MOB3B: variants seen among roughly 807,000 people sequenced by gnomAD.
MOB3B encodes the protein MOB kinase activator 3B.
A neutral mutation model predicts 18.7 loss-of-function variants in MOB3B; 7 were observed. The observed-to-expected ratio is 0.37, with a 90% CI of 0.21 to 0.70. MOB3B has a LOEUF of 0.70. MOB3B is among the 30% of genes least tolerant of loss of function. The pLI is 0.52. For synonymous variants in MOB3B, 111 were observed against 99.9 expected (o/e 1.11, Z -0.66); for missense variants, 253 against 281.3 (o/e 0.90, Z 0.72).
At chr9:27,378,619 G>A (rs1300548825) in intron 2 of MOB3B, 2 of 470,986 alleles carry the variant, frequency 4.2e-6, no homozygotes, top group Non-Finnish European at 8.8e-6. Context: ...TCACTCTATG[G>A]CTTTCTGGTC....
intron 2 of MOB3B, among the ~76,000 whole-genome samples, chr9:27,437,477 C>T (rs1822527771): frequency 1.3e-5 from 2 of 152,076 alleles, no homozygotes; most frequent in Admixed American, 6.6e-5. Flanking sequence ...AATCAAGGGG[C>T]CATAGCTCTG....
intron 2 of MOB3B, among the ~76,000 whole-genome samples, chr9:27,446,039 C>T (rs1822685747): frequency 6.6e-6 from 1 of 152,188 alleles, no homozygotes; most frequent in Non-Finnish European, 1.5e-5. Flanking sequence ...ACAACTCTGG[C>T]TCCAGTCTCT....
chr9:27,373,782 A>C (rs80275986), intron 2 of MOB3B, among the ~76,000 whole-genome samples: 5,995 of 152,304 alleles, frequency 0.039, 391 homozygotes, highest in African/African-American at 0.14. Flanking sequence ...CCCAAAAAAA[A>C]CCAACAAACT....
chr9:27,441,935 T>A (rs1822600612), intron 2 of MOB3B, among the ~76,000 whole-genome samples: 2 of 152,084 alleles, frequency 1.3e-5, no homozygotes, highest in African/African-American at 4.8e-5. Flanking sequence ...CTGACATGAA[T>A]CAAAACAATA....
chr9:27,409,404 T>G (rs114943555), intron 2 of MOB3B, among the ~76,000 whole-genome samples: 3 of 152,186 alleles, frequency 2.0e-5, no homozygotes, highest in African/African-American at 7.2e-5. Flanking sequence ...ACCATTAGAA[T>G]GGTTACTATC....
At chr9:27,377,222 G>A (rs1362863890) in intron 2 of MOB3B, among the ~76,000 whole-genome samples, 2 of 152,192 alleles carry the variant, frequency 1.3e-5, no homozygotes, top group Non-Finnish European at 2.9e-5. Flanking sequence ...AGCCTCCGAG[G>A]TGGAGGGAGA....
At chr9:27,365,918 G>T (rs1260514719) in intron 2 of MOB3B, among the ~76,000 whole-genome samples, 1 of 152,210 alleles carries the variant, frequency 6.6e-6, no homozygotes, top group Non-Finnish European at 1.5e-5. Context: ...GTGCGCCGAG[G>T]CAACATGCCT....
At chr9:27,374,433 T>A (rs1208545806) in intron 2 of MOB3B, among the ~76,000 whole-genome samples, 1 of 152,066 alleles carries the variant, frequency 6.6e-6, no homozygotes, top group Non-Finnish European at 1.5e-5. Context: ...AGTCATGGAG[T>A]TTAAAAAGTC....
intron 2 of MOB3B, among the ~76,000 whole-genome samples, chr9:27,421,882 C>A (rs555469328): frequency 5.2e-4 from 79 of 152,200 alleles, no homozygotes; most frequent in African/African-American, 1.7e-3. Context: ...GCACCCATCA[C>A]TCTCTAGCTG....
In MOB3B at chr9:27,325,309, TTTAA is replaced by T. The variant is rs561726593; in HGVS notation, c.*5274_*5277del. 1.3e-5 allele frequency: 2 copies of T among 152,242 alleles called. No homozygotes were observed. Among genetic ancestry groups the T allele is most frequent in the Non-Finnish European group, 1.5e-5 (1 of 68,036 alleles). The allele number at this position is 152,242 out of a possible 1,614,324, so 9.4% of individuals were successfully genotyped here. A position where few individuals can be genotyped will look rare whatever the true frequency, so the allele number is the denominator to read the frequency against. On this transcript the variant is annotated 3_prime_UTR_variant, in exon 4 of 4. Transcript: ENST00000262244. Reference sequence around the variant, plus strand: ...AATTTTATGTTGCTTTTCTAATTGATTTAATTGTTAGTTTTCCTTATAGTCAAAT... The same window carrying T: ...AATTTTATGTTGCTTTTCTAATTGATTTGTTAGTTTTCCTTATAGTCAAAT...
chr9:27,333,021 G>A (rs1820810038), intron 3 of MOB3B, among the ~76,000 whole-genome samples: 1 of 152,118 alleles, frequency 6.6e-6, no homozygotes, highest in African/African-American at 2.4e-5. Flanking sequence ...TCTTTATCCA[G>A]ACTGATGCCA....
chr9:27,481,255 T>C (rs1163130356), intron 1 of MOB3B, among the ~76,000 whole-genome samples: 1 of 152,168 alleles, frequency 6.6e-6, no homozygotes, highest in Non-Finnish European at 1.5e-5. Context: ...AGATATGGAC[T>C]AAAATATATC....
At chr9:27,383,252 T>C (rs1019925057) in intron 2 of MOB3B, among the ~76,000 whole-genome samples, 2 of 152,082 alleles carry the variant, frequency 1.3e-5, no homozygotes, top group African/African-American at 4.8e-5. Flanking sequence ...ATGTCAAAAA[T>C]TCATATATAT....
chr9:27,329,815 T>G lies in MOB3B; in HGVS notation c.*772A>C, dbSNP rs1447263477. Reference sequence around the variant, plus strand: ...CCACTGAAGAGACAAGGAATGATGGTGGTTATAAAAAATACATTCTGATCA... The same window carrying G: ...CCACTGAAGAGACAAGGAATGATGGGGGTTATAAAAAATACATTCTGATCA... On this transcript the variant is annotated 3_prime_UTR_variant, in exon 4 of 4. Transcript: ENST00000262244. The G allele has an allele frequency of 6.6e-6, 1 of 152,478 alleles. No individual in the cohort carries two copies. The highest frequency in any genetic ancestry group is 6.6e-5 in the Admixed American group (1 of 15,266). 9.4% of individuals were successfully genotyped at this position (152,478 alleles called of 1,614,324 possible).
chr9:27,506,030 C>G (rs1351822999), intron 1 of MOB3B, among the ~76,000 whole-genome samples: 1 of 152,206 alleles, frequency 6.6e-6, no homozygotes, highest in Non-Finnish European at 1.5e-5. Context: ...AACTAAAACT[C>G]TTTTTCATTT....
chr9:27,431,919 G>A (rs1172411550), intron 2 of MOB3B, among the ~76,000 whole-genome samples: 1 of 152,154 alleles, frequency 6.6e-6, no homozygotes, highest in South Asian at 2.1e-4. Context: ...GAGACCCAAG[G>A]CATGTTACAA....
intron 2 of MOB3B, among the ~76,000 whole-genome samples, chr9:27,430,474 A>G (rs1822401796): frequency 6.6e-6 from 1 of 151,982 alleles, no homozygotes; most frequent in South Asian, 2.1e-4. Context: ...AGGAGTGCGG[A>G]CTCTGAGCCT....
chr9:27,512,321 A>G (rs1247193245), intron 1 of MOB3B, among the ~76,000 whole-genome samples: 1 of 152,180 alleles, frequency 6.6e-6, no homozygotes, highest in Non-Finnish European at 1.5e-5. Context: ...ATTTTTGCAG[A>G]ACATTATGAG....
intron 2 of MOB3B, among the ~76,000 whole-genome samples, chr9:27,440,963 G>T (rs546402118): frequency 6.6e-6 from 1 of 152,080 alleles, no homozygotes. Context: ...ACCTCAGATC[G>T]TCAGGCATTA....
Sources: allele counts gnomAD v4.1 joint callset (sites outside exome capture counted in the v4.1 genomes callset), GRCh38; gene constraint gnomAD v4.1.1; transcripts MANE v1.5; gene names NCBI Gene and HGNC (gene_info 2026-07-23, HGNC 2026-07-21).